LRMDA: variants seen among roughly 807,000 people sequenced by gnomAD.
The protein encoded by LRMDA is leucine rich melanocyte differentiation associated.
A neutral mutation model predicts 29.8 loss-of-function variants in LRMDA; 18 were observed. The ratio of observed to expected loss-of-function variants is 0.60; its 90% CI spans 0.42 to 0.90. The LOEUF is 0.90. LRMDA is among the 40% of genes least tolerant of loss of function. The pLI, the probability that LRMDA is intolerant of heterozygous loss-of-function variation, is 0.00. For missense variants in LRMDA, 273 were observed against 273.9 expected (o/e 1.00, Z 0.02); for synonymous variants, 125 against 109.4 (o/e 1.14, Z -0.89).
At chr10:76,287,981 T>A (rs1175913053) in intron 5 of LRMDA, among the ~76,000 whole-genome samples, 1 of 152,194 alleles carries the variant, frequency 6.6e-6, no homozygotes, top group East Asian at 1.9e-4. Flanking sequence ...TTCGTTTAAT[T>A]TCCAGTTCAT....
At chr10:75,487,277 T>C (rs557882701) in intron 2 of LRMDA, among the ~76,000 whole-genome samples, 1 of 152,320 alleles carries the variant, frequency 6.6e-6, no homozygotes, top group Non-Finnish European at 1.5e-5. Context: ...TTTCTAGTAA[T>C]TGAGCTTTGT....
chr10:75,717,796 T>C (rs1002426336), intron 2 of LRMDA, among the ~76,000 whole-genome samples: 1 of 152,218 alleles, frequency 6.6e-6, no homozygotes, highest in South Asian at 2.1e-4. Flanking sequence ...AGTCCTCTGA[T>C]GGGAATGATG....
chr10:75,908,391 T>C (rs561691493), intron 2 of LRMDA, among the ~76,000 whole-genome samples: 1 of 152,346 alleles, frequency 6.6e-6, no homozygotes, highest in Admixed American at 6.5e-5. Context: ...ATATATTAGC[T>C]TCTACTCATT....
chr10:76,089,254 C>T (rs1248694199), intron 5 of LRMDA, among the ~76,000 whole-genome samples: 1 of 152,202 alleles, frequency 6.6e-6, no homozygotes, highest in East Asian at 1.9e-4. Context: ...AATGGCAGAG[C>T]TGGGGTCTGA....
intron 2 of LRMDA, among the ~76,000 whole-genome samples, chr10:75,999,501 G>GA (rs1564626617): frequency 2.0e-5 from 3 of 152,126 alleles, no homozygotes; most frequent in Non-Finnish European, 2.9e-5. Flanking sequence ...TGATTTGAAT[G>GA]AAAAAAATAG....
At chr10:75,620,709 T>C (rs747860942) in intron 2 of LRMDA, among the ~76,000 whole-genome samples, 11 of 152,238 alleles carry the variant, frequency 7.2e-5, no homozygotes, top group Non-Finnish European at 1.0e-4. Context: ...AATTCTTCCC[T>C]AAGTGCCCCA....
At chr10:76,323,046 C>T (rs1478211838) in intron 5 of LRMDA, among the ~76,000 whole-genome samples, 8 of 151,964 alleles carry the variant, frequency 5.3e-5, no homozygotes, top group Non-Finnish European at 1.0e-4. Context: ...CTTTAAAACA[C>T]GTTTTTCTTG....
intron 5 of LRMDA, among the ~76,000 whole-genome samples, chr10:76,213,172 G>A (rs1589378750): frequency 6.6e-6 from 1 of 152,220 alleles, no homozygotes; most frequent in Non-Finnish European, 1.5e-5. Context: ...TGATTTTGAG[G>A]ATGTCATTGG....
chr10:76,047,056 C>A, intron 3 of LRMDA, 108 bp from the exon 4 acceptor site: 1 of 1,207,156 alleles, frequency 8.3e-7, no homozygotes, highest in Non-Finnish European at 1.2e-6. Context: ...AGCCCCCACC[C>A]TGAGGTCTCA....
At chr10:75,860,295 C>T (rs1385717407) in intron 2 of LRMDA, among the ~76,000 whole-genome samples, 1 of 138,286 alleles carries the variant, frequency 7.2e-6, no homozygotes, top group African/African-American at 2.7e-5. Flanking sequence ...AAAGCTAGAT[C>T]ATTATGATGT....
At chr10:75,482,798 A>T (rs935744302) in intron 2 of LRMDA, among the ~76,000 whole-genome samples, 1 of 152,236 alleles carries the variant, frequency 6.6e-6, no homozygotes, top group East Asian at 1.9e-4. Context: ...TTAGAAATGC[A>T]TGTTTTCTGT....
In LRMDA at chr10:75,493,352, T is replaced by G. The variant is rs7069977; in HGVS notation, c.131+54858T>G. On this transcript the variant is annotated intron_variant, in intron 2 of 6. Transcript: ENST00000611255. Reference sequence around the variant, plus strand: ...AGCCATAGAGGGTTGAGATTGGGTGTGTGTGTGTGTGTGTGTGTGTGTGTG... The same window carrying G: ...AGCCATAGAGGGTTGAGATTGGGTGGGTGTGTGTGTGTGTGTGTGTGTGTG... Among the ~76,000 whole-genome samples the G allele has an allele frequency of 2.5e-3, 243 of 97,276 alleles. 2 individuals are homozygous for G. The highest frequency in any genetic ancestry group is 0.022 in the Middle Eastern group (4 of 182). 63.8% of individuals were successfully genotyped at this position (97,276 alleles called of 152,430 possible). A position where few individuals can be genotyped will look rare whatever the true frequency, so the allele number is the denominator to read the frequency against.
chr10:75,794,844 T>G (rs1229406983), intron 2 of LRMDA, among the ~76,000 whole-genome samples: 1 of 152,202 alleles, frequency 6.6e-6, no homozygotes, highest in Non-Finnish European at 1.5e-5. Context: ...CTATATTTAT[T>G]TATTTCAAAT....
At chr10:76,391,462 C>A (rs1164122812) in intron 6 of LRMDA, among the ~76,000 whole-genome samples, 1 of 152,176 alleles carries the variant, frequency 6.6e-6, no homozygotes, top group African/African-American at 2.4e-5. Flanking sequence ...TATTGGCAAT[C>A]CTGATAGCAT....
At chr10:75,907,703 A>G (rs930190520) in intron 2 of LRMDA, among the ~76,000 whole-genome samples, 4 of 152,158 alleles carry the variant, frequency 2.6e-5, no homozygotes, top group Non-Finnish European at 5.9e-5. Flanking sequence ...AATACGTAGG[A>G]AGGGAGGGCG....
intron 6 of LRMDA, among the ~76,000 whole-genome samples, chr10:76,350,775 C>G (rs1443562169): frequency 1.3e-5 from 2 of 152,120 alleles, no homozygotes; most frequent in Admixed American, 1.3e-4. Context: ...GGTGTGGAAG[C>G]TATTGCTACA....
At chr10:75,576,213 A>G (rs556032230) in intron 2 of LRMDA, among the ~76,000 whole-genome samples, 2 of 152,306 alleles carry the variant, frequency 1.3e-5, no homozygotes, top group South Asian at 4.1e-4. Context: ...TGAGGCTTGA[A>G]TAGGTGGTTT....
At chr10:76,414,737 A>G (rs1223553157) in intron 6 of LRMDA, among the ~76,000 whole-genome samples, 1 of 152,226 alleles carries the variant, frequency 6.6e-6, no homozygotes, top group Non-Finnish European at 1.5e-5. Flanking sequence ...GCCATGGCTT[A>G]GCTGGCTGCC....
chr10:75,706,763 A>C (rs1034967876), intron 2 of LRMDA, among the ~76,000 whole-genome samples: 4 of 148,676 alleles, frequency 2.7e-5, no homozygotes, highest in African/African-American at 1.0e-4. Flanking sequence ...AGATGAGGAA[A>C]CTGAAACTCA....
Sources: gnomAD v4.1 joint callset for allele counts (sites outside exome capture counted in the v4.1 genomes callset) on GRCh38, gnomAD v4.1.1 for gene constraint, MANE v1.5 for transcripts, NCBI Gene and HGNC (gene_info 2026-07-23, HGNC 2026-07-21) for gene names.